DNAH1: variants seen among roughly 807,000 people sequenced by gnomAD.
The protein encoded by DNAH1 is dynein axonemal heavy chain 1.
DNAH1 carries 327 observed loss-of-function variants against 484.3 expected under a neutral mutation model. That is an observed-to-expected ratio of 0.68 (90% CI 0.62 to 0.74). The LOEUF (loss-of-function observed/expected upper bound fraction) is 0.74. Ranked by LOEUF, DNAH1 falls within the 30% of genes least tolerant of loss-of-function variation. The pLI is 0.00. For synonymous variants in DNAH1, 2,192 were observed against 2,191.9 expected (o/e 1.00, Z 0.00); for missense variants, 5,052 against 5,546.8 (o/e 0.91, Z 2.83).
chr3:52,317,134 G>A (rs1189812241), intron 1 of DNAH1, among the ~76,000 whole-genome samples: 3 of 152,056 alleles, frequency 2.0e-5, no homozygotes, highest in Non-Finnish European at 4.4e-5. Flanking sequence ...AAATTGTAGC[G>A]GACATTCTGA....
Position 52,323,813 on chromosome 3 carries a change from A to G in DNAH1, c.339A>G (p.Val113=). The part of the protein sequence containing the change: ...SPGTLDQLGE[V]CRGPRMSQNL... ...GCTCCATGGTTTGGTTTCAGGAGGTATGTCGTGGCCCCCGAATGAGCCAGA... is the reference window on the plus strand; with the variant it reads ...GCTCCATGGTTTGGTTTCAGGAGGTGTGTCGTGGCCCCCGAATGAGCCAGA... The change falls in exon 3 of 78, where the codon GTA becomes GTG. Residue 113 remains valine (V), a synonymous_variant. Transcript: ENST00000420323. 2.5e-6 allele frequency: 4 copies of G among 1,590,548 alleles called. No homozygotes were observed. The highest frequency in any genetic ancestry group is 3.4e-6 in the Non-Finnish European group (4 of 1,168,302).
upstream of DNAH1, among the ~76,000 whole-genome samples, chr3:52,313,820 C>T (rs1042098731): frequency 6.6e-5 from 10 of 152,166 alleles, no homozygotes; most frequent in African/African-American, 9.7e-5. Flanking sequence ...CTTGGTGTCC[C>T]TCACACCACT....
At chr3:52,373,679 GT>G (rs1703456789) in intron 44 of DNAH1, 4 of 1,391,996 alleles carry the variant, frequency 2.9e-6, no homozygotes, top group African/African-American at 2.8e-5. Context: ...ATCAAAAGAA[GT>G]TTTTTATCCA....
chr3:52,341,791 G>T (rs138944858), intron 8 of DNAH1, among the ~76,000 whole-genome samples: 1 of 152,204 alleles, frequency 6.6e-6, no homozygotes, highest in African/African-American at 2.4e-5. Context: ...GAGGAAGGAT[G>T]GAATTCTGGA....
At chr3:52,326,611 G>A in intron 4 of DNAH1, 124 bp from the exon 5 acceptor site, 2 of 1,222,654 alleles carry the variant, frequency 1.6e-6, no homozygotes, top group Non-Finnish European at 1.1e-6. Flanking sequence ...GAGGGGTGGA[G>A]GGCTCCAGAG....
Position 52,396,492 on chromosome 3 carries a change from A to G in DNAH1, c.11384A>G (p.Lys3795Arg). Residue 3795 changes from lysine (K) to arginine (R), a missense_variant, in exon 71 of 78, where the codon AAG (lysine) becomes AGG (arginine). Lys to Arg is a conservative substitution (Grantham distance 26). This residue lies in a region of DNAH1 where 853 missense variants were observed against 899.0 expected (regional missense o/e 0.95). Coordinates refer to ENST00000420323, the MANE Select transcript of DNAH1 (RefSeq NM_015512.5). ...PPRGVRANLL[K>R]SYSSLGEDFL... is the part of the protein sequence containing the mutation. ...CGCGGTGTCAGGGCCAACCTGCTGAAGTCCTATAGTAGCCTTGGTGAAGAC... is the reference window on the plus strand; with the variant it reads ...CGCGGTGTCAGGGCCAACCTGCTGAGGTCCTATAGTAGCCTTGGTGAAGAC... 1 of 1,609,022 alleles carries G rather than the reference A, an allele frequency of 6.2e-7. No homozygotes were observed. The highest frequency in any genetic ancestry group is 1.3e-5 in the African/African-American group (1 of 74,922).
At chr3:52,312,815 G>C (rs1700834371), upstream of DNAH1, among the ~76,000 whole-genome samples, 3 of 152,014 alleles carry the variant, frequency 2.0e-5, no homozygotes, top group African/African-American at 2.4e-5. Flanking sequence ...ACCACACCTG[G>C]CTAATTTTTT....
Position 52,332,267 on chromosome 3 carries a change from G to A in DNAH1, c.1159G>A (p.Ala387Thr). The A allele has an allele frequency of 6.2e-7, 1 of 1,614,068 alleles. No homozygotes were observed. The highest frequency in any genetic ancestry group is 1.1e-5 in the South Asian group (1 of 91,082). ...CAACGCCCTGCGCAAGAACACGGAA[G>A]CACTGCTGCTCTACAACTTGTATGT... The part of the protein sequence containing the change: ...QANALRKNTE[A>T]LLLYNLYVDC... Residue 387 changes from alanine (A) to threonine (T), a missense_variant, in exon 8 of 78, where the codon GCA becomes ACA. Around this residue, in one of 4 missense-constraint regions of DNAH1, gnomAD observed 1,263 missense variants for 1,218.8 expected, o/e 1.04. Coordinates refer to ENST00000420323, the MANE Select transcript of DNAH1 (RefSeq NM_015512.5).
At chr3:52,349,466 C>T (rs1295423281) in intron 14 of DNAH1, 46 bp downstream of exon 14, 4 of 1,535,040 alleles carry the variant, frequency 2.6e-6, no homozygotes, top group Non-Finnish European at 3.6e-6. Context: ...CAGCACACAC[C>T]ACAGCAGCAC....
intron 48 of DNAH1, 70 bp downstream of exon 48, chr3:52,380,205 C>T (rs1241673980): frequency 7.3e-6 from 10 of 1,363,182 alleles, no homozygotes; most frequent in Non-Finnish European, 1.0e-5. Context: ...GGGCCCAGGC[C>T]CCCTGCAGTC....
At position 52,361,854 on chromosome 3, in the gene DNAH1, G is replaced by A. The variant is rs143963612; in HGVS notation, c.4980+88G>A. The A allele has an allele frequency of 4.1e-3, 5,695 of 1,374,942 alleles. 30 individuals are homozygous for A. Among genetic ancestry groups the A allele is most frequent in the South Asian group, 9.4e-3 (721 of 76,424 alleles). 85.2% of individuals were successfully genotyped at this position (1,374,942 alleles called of 1,614,324 possible). On this transcript the variant is annotated intron_variant, in intron 30 of 77. Coordinates refer to ENST00000420323, the MANE Select transcript of DNAH1 (RefSeq NM_015512.5). This position sits in a 1 kb window ranked among gnomAD's most constrained non-coding sequence, Gnocchi z 5.6. ...CCCATTGCAGGCTGAGAAGCCAGGCGCTAAGGTCCACCCTGGGTCCAGCCT... is the reference window on the plus strand; with the variant it reads ...CCCATTGCAGGCTGAGAAGCCAGGCACTAAGGTCCACCCTGGGTCCAGCCT...
rs775841808 is a variant in DNAH1 at position 52,388,296 on chromosome 3, A to T, written c.9133A>T (p.Lys3045Ter). ...CTGCCAGTGGGTGCGCGCCATGCAC[A>T]AGTACCACTTTGTGGCCAAGGCCGT... The part of the protein sequence containing the change: ...SICQWVRAMH[K>*]YHFVAKAVEP... Residue 3045 changes from lysine (K) to a stop codon, truncating the protein, a stop_gained, in exon 57 of 78, where the codon AAG becomes TAG. Coordinates refer to ENST00000420323, the MANE Select transcript of DNAH1 (RefSeq NM_015512.5). LOFTEE classifies it high-confidence loss of function. 2 of 1,602,612 alleles carry T rather than the reference A, an allele frequency of 1.2e-6. No homozygotes were observed. Among genetic ancestry groups the T allele is most frequent in the Non-Finnish European group, 1.7e-6 (2 of 1,174,762 alleles).
Position 52,364,737 on chromosome 3 carries a change from C to T in DNAH1, c.5331+13C>T. 1 of 1,611,200 alleles carries T rather than the reference C, an allele frequency of 6.2e-7. No individual in the cohort carries two copies. The highest frequency in any genetic ancestry group is 8.5e-7 in the Non-Finnish European group (1 of 1,178,320). ...CAGCATGAATGAGGTGAGCTCCACC[C>T]AGCAGGGCTCCAGGAGTGGAACTCT... On this transcript the variant is annotated intron_variant, in intron 33 of 77. Coordinates refer to ENST00000420323, the MANE Select transcript of DNAH1 (RefSeq NM_015512.5). The surrounding 1 kb of genome is among the most constrained non-coding windows in gnomAD (Gnocchi z 4.2).
chr3:52,373,507 A>G, intron 44 of DNAH1: 1 of 1,460,972 alleles, frequency 6.8e-7, no homozygotes, highest in Non-Finnish European at 9.4e-7. Context: ...GTCAGGAAAA[A>G]CAGCCTTGTT....
chr3:52,361,175 C>T lies in DNAH1; in HGVS notation c.4697C>T (p.Thr1566Ile). ...TCTGTCTCCTGCAGGTGCTACCTGA[C>T]ACTGACCGGAGCTCTGCACCTCAAG... is the stretch of plus-strand genomic sequence containing the variant. The part of the protein sequence containing the change: ...ITPLTDRCYL[T>I]LTGALHLKFG... The change falls in exon 29 of 78, where the codon ACA becomes ATA. Residue 1566 changes from threonine (T) to isoleucine (I), a missense_variant. Thr to Ile is a moderately conservative substitution (Grantham distance 89). Coordinates refer to ENST00000420323, the MANE Select transcript of DNAH1 (RefSeq NM_015512.5). This position sits in a 1 kb window ranked among gnomAD's most constrained non-coding sequence, Gnocchi z 5.6. 6.2e-7 allele frequency: 1 copy of T among 1,607,554 alleles called. No individual in the cohort carries two copies. The highest frequency in any genetic ancestry group is 8.5e-7 in the Non-Finnish European group (1 of 1,177,184).
Position 52,382,394 on chromosome 3 carries a change from AG to A in DNAH1, c.7882del (p.Val2628SerfsTer34). Reference protein sequence around the residue: ...GMSEWRDDVKKVLLKAGLQNL... With the variant: ...GMSEWRDDVKXVLLKAGLQNL... Reference sequence around the variant, plus strand: ...TCCGAGTGGCGAGATGATGTGAAGAAGGTCCTGCTCAAGGCGGGCCTACAGA... The same window carrying A: ...TCCGAGTGGCGAGATGATGTGAAGAAGTCCTGCTCAAGGCGGGCCTACAGA... On this transcript the variant is annotated frameshift_variant, in exon 50 of 78. Transcript: ENST00000420323. LOFTEE classifies it high-confidence loss of function. 6.2e-7 allele frequency: 1 copy of A among 1,614,042 alleles called. No individual in the cohort carries two copies. The highest frequency in any genetic ancestry group is 8.5e-7 in the Non-Finnish European group (1 of 1,179,890).
At chr3:52,393,111 A>G (rs1164875213) in intron 65 of DNAH1, 86 bp downstream of exon 65, 1 of 1,499,082 alleles carries the variant, frequency 6.7e-7, no homozygotes, top group Non-Finnish European at 9.1e-7. Context: ...CAAACTCACA[A>G]CTGTGTTCAC....
rs956507456 is a variant in DNAH1, at chr3:52,382,434, C to G, written c.7920C>G (p.Thr2640=). The G allele has an allele frequency of 3.7e-6, 6 of 1,613,844 alleles. No individual in the cohort carries two copies. In the Admixed American group the frequency reaches 8.3e-5, roughly 22 times the overall value. ...LKAGLQNLPI[T]FLFSDTQIKN... ...CGGGCCTACAGAACCTACCCATCAC[C>G]TTCCTCTTCTCAGACACCCAGGTGC... The change falls in exon 50 of 78, where the codon ACC becomes ACG. Residue 2640 remains threonine, a synonymous_variant. Transcript: ENST00000420323.
intron 1 of DNAH1, 84 bp downstream of exon 1, chr3:52,316,629 A>G (rs1276164716): frequency 6.6e-6 from 1 of 152,220 alleles, no homozygotes; most frequent in Non-Finnish European, 1.5e-5. Flanking sequence ...GGGCTGAACC[A>G]CTGTCTCCAG....
Sources: gnomAD v4.1 joint callset for allele counts (sites outside exome capture counted in the v4.1 genomes callset) on GRCh38, gnomAD v4.1.1 for gene constraint, gnomAD v4.1.1 regional missense constraint, Gnocchi (gnomAD v3.1) non-coding constraint, MANE v1.5 for transcripts, NCBI Gene and HGNC (gene_info 2026-07-23, HGNC 2026-07-21) for gene names.